Variants in RIMOC1 observed in about 807,000 individuals in gnomAD.
RIMOC1 encodes the protein RAB7A interacting MON1-CCZ1 complex subunit 1, also known as RAB7A-interacting MON1-CCZ1 complex subunit 1.
At chr5:41,921,586 A>C in the RIMOC1 span, 1 of 152,040 alleles carries the variant, frequency 6.6e-6, no homozygotes, top group Non-Finnish European at 1.5e-5. Context: ...TTTCCAAGTA[A>C]ACTGTTATTG....
the RIMOC1 span, among the ~76,000 whole-genome samples, chr5:41,915,510 C>A: frequency 6.6e-6 from 1 of 152,156 alleles, no homozygotes; most frequent in South Asian, 2.1e-4. Context: ...CCAATAAAGA[C>A]ATACCCAAGA....
the RIMOC1 span, chr5:41,912,175 T>G: frequency 1.3e-6 from 2 of 1,567,916 alleles, no homozygotes; most frequent in Non-Finnish European, 1.8e-6. Context: ...GCTAAATTAC[T>G]GAGTGCAGGT....
chr5:41,909,648 T>C, the RIMOC1 span: 1 of 716,200 alleles, frequency 1.4e-6, no homozygotes, highest in Non-Finnish European at 2.1e-6. Flanking sequence ...GATTTAAATG[T>C]GTAATAAAGC....
the RIMOC1 span, chr5:41,917,173 C>G: frequency 1.9e-6 from 3 of 1,613,688 alleles, no homozygotes; most frequent in Non-Finnish European, 2.5e-6. Flanking sequence ...CCTTGGATTT[C>G]CGAGAAGTAG....
At chr5:41,911,181 T>C in the RIMOC1 span, 3 of 1,595,176 alleles carry the variant, frequency 1.9e-6, no homozygotes, top group East Asian at 4.5e-5. Context: ...CTTAAAAAGG[T>C]AAGAAGACAT....
At chr5:41,917,397 A>G in the RIMOC1 span, 1 of 1,445,628 alleles carries the variant, frequency 6.9e-7, no homozygotes, top group Non-Finnish European at 9.1e-7. Flanking sequence ...TGAATATGAG[A>G]ACATTACACT....
the RIMOC1 span, chr5:41,907,766 T>G: frequency 6.2e-7 from 1 of 1,609,476 alleles, no homozygotes; most frequent in Non-Finnish European, 8.5e-7. Context: ...TCTGCAGCAT[T>G]AGAAAAATTG....
At chr5:41,909,728 CTT>C in the RIMOC1 span, 9,614 of 1,218,140 alleles carry the variant, frequency 7.9e-3, no homozygotes, top group South Asian at 0.014. Context: ...AGATATCTTT[CTT>C]TTTTTTTTTT....
At chr5:41,905,967 A>G in the RIMOC1 span, among the ~76,000 whole-genome samples, 1 of 151,998 alleles carries the variant, frequency 6.6e-6, no homozygotes, top group Non-Finnish European at 1.5e-5. Flanking sequence ...AAAATATTAC[A>G]AGATTTATGA....
chr5:41,907,593 A>G, the RIMOC1 span: 1 of 530,676 alleles, frequency 1.9e-6, no homozygotes, highest in African/African-American at 2.0e-5. Flanking sequence ...GTTTTAGATA[A>G]GATATTATTA....
At chr5:41,908,072 A>G in the RIMOC1 span, among the ~76,000 whole-genome samples, 43 of 152,326 alleles carry the variant, frequency 2.8e-4, no homozygotes, top group Middle Eastern at 3.4e-3. Context: ...AATCTTACAG[A>G]TAACGGAATT....
chr5:41,911,267 T>A, the RIMOC1 span: 6 of 1,222,106 alleles, frequency 4.9e-6, no homozygotes, highest in Non-Finnish European at 5.6e-6. Context: ...GAGTAGTGGA[T>A]CAAAGGGTCT....
chr5:41,909,814 T>C, the RIMOC1 span: 1 of 1,596,786 alleles, frequency 6.3e-7, no homozygotes, highest in Non-Finnish European at 8.5e-7. Context: ...AAGACTCTTC[T>C]TCACAGAAAG....
At chr5:41,918,179 T>C in the RIMOC1 span, 5 of 985,732 alleles carry the variant, frequency 5.1e-6, no homozygotes, top group Non-Finnish European at 6.0e-6. Context: ...GATACCTTGC[T>C]GATACCTTGG....
the RIMOC1 span, chr5:41,904,614 C>T: frequency 3.9e-5 from 27 of 691,802 alleles, no homozygotes; most frequent in Non-Finnish European, 6.3e-5. Flanking sequence ...CTTCTGAGCC[C>T]CTCTGCGCCA....
the RIMOC1 span, among the ~76,000 whole-genome samples, chr5:41,908,864 G>T: frequency 2.6e-5 from 4 of 152,082 alleles, no homozygotes; most frequent in Non-Finnish European, 4.4e-5. Context: ...CCTTTCATAT[G>T]ATGATGAAAT....
At chr5:41,915,691 A>C in the RIMOC1 span, among the ~76,000 whole-genome samples, 9 of 152,318 alleles carry the variant, frequency 5.9e-5, no homozygotes, top group East Asian at 1.7e-3. Context: ...AGACTTATTC[A>C]TTACCACAAG....
At chr5:41,905,821 G>T in the RIMOC1 span, among the ~76,000 whole-genome samples, 1 of 152,174 alleles carries the variant, frequency 6.6e-6, no homozygotes, top group African/African-American at 2.4e-5. Flanking sequence ...ATCAGAGCTG[G>T]AAATAAAAGT....
At chr5:41,907,956 A>G in the RIMOC1 span, 2 of 667,774 alleles carry the variant, frequency 3.0e-6, no homozygotes, top group East Asian at 6.2e-5. Flanking sequence ...CAAGTGTTTA[A>G]TTTTGTCCAA....
Sources: allele counts gnomAD v4.1 joint callset (sites outside exome capture counted in the v4.1 genomes callset), GRCh38; gene constraint gnomAD v4.1.1; transcripts MANE v1.5; gene names NCBI Gene and HGNC (gene_info 2026-07-23, HGNC 2026-07-21).